The following SH3GL3 variants were observed in gnomAD, a reference collection of about 807,000 sequenced individuals.
SH3GL3 encodes the protein endophilin-A3.
In SH3GL3, 33 loss-of-function variants were observed where a neutral mutation model predicts 47.7. The observed-to-expected ratio is 0.69, with a 90% CI of 0.52 to 0.92. The LOEUF (loss-of-function observed/expected upper bound fraction) is 0.92. Ranked by LOEUF, SH3GL3 falls within the 40% of genes least tolerant of loss-of-function variation. SH3GL3 has a pLI of 0.00. For missense variants in SH3GL3, 363 were observed against 417.8 expected, an observed-to-expected ratio of 0.87 and a Z score of 1.14; for synonymous variants, 155 against 148.8, an observed-to-expected ratio of 1.04 and a Z score of -0.30.
intron 1 of SH3GL3, among the ~76,000 whole-genome samples, chr15:83,531,361 C>A (rs1490879203): frequency 6.6e-6 from 1 of 152,130 alleles, no homozygotes; most frequent in East Asian, 1.9e-4. Context: ...TCTGAGGAGT[C>A]CTAATGACCT....
At chr15:83,467,632 A>G (rs1427106805) in intron 1 of SH3GL3, among the ~76,000 whole-genome samples, 1 of 152,226 alleles carries the variant, frequency 6.6e-6, no homozygotes, top group African/African-American at 2.4e-5. Context: ...ATTGATGAAC[A>G]TTGATATGTT....
chr15:83,555,618 T>C (rs140743516), intron 1 of SH3GL3, among the ~76,000 whole-genome samples: 1 of 152,334 alleles, frequency 6.6e-6, no homozygotes, highest in African/African-American at 2.4e-5. Context: ...TGATTCTTTG[T>C]TCTTCAGTCT....
At chr15:83,607,840 AAATAATAATAATAATAATAATAAT>A (rs60113695) in intron 8 of SH3GL3, among the ~76,000 whole-genome samples, 1 of 142,940 alleles carries the variant, frequency 7.0e-6, no homozygotes, top group Non-Finnish European at 1.5e-5. Flanking sequence ...TCAGAGTGGC[AAATAATAATAATAATAATAATAAT>A]AATAATAATA....
At chr15:83,485,667 A>ATT (rs60951748) in intron 1 of SH3GL3, among the ~76,000 whole-genome samples, 17 of 148,764 alleles carry the variant, frequency 1.1e-4, no homozygotes, top group South Asian at 4.2e-4. Flanking sequence ...TTTTGTTGGC[A>ATT]TTTTTTTTTT....
intron 1 of SH3GL3, among the ~76,000 whole-genome samples, chr15:83,512,905 T>A (rs1046285498): frequency 6.6e-6 from 1 of 152,204 alleles, no homozygotes; most frequent in Non-Finnish European, 1.5e-5. Flanking sequence ...TCCCACATTT[T>A]AAAAAGGTTA....
At chr15:83,564,196 A>G (rs1405779850) in intron 2 of SH3GL3, among the ~76,000 whole-genome samples, 1 of 152,136 alleles carries the variant, frequency 6.6e-6, no homozygotes, top group African/African-American at 2.4e-5. Flanking sequence ...AATCATGTAT[A>G]TAGTATGAAG....
intron 1 of SH3GL3, among the ~76,000 whole-genome samples, chr15:83,463,295 C>T (rs2040396614): frequency 6.6e-6 from 1 of 152,160 alleles, no homozygotes; most frequent in East Asian, 1.9e-4. Flanking sequence ...AGAACCCTTG[C>T]CTAGTAATGG....
intron 1 of SH3GL3, among the ~76,000 whole-genome samples, chr15:83,515,516 C>T (rs2151638870): frequency 6.6e-6 from 1 of 151,984 alleles, no homozygotes; most frequent in African/African-American, 2.4e-5. Context: ...TAAAGGGAGC[C>T]CATGCAGGTG....
In SH3GL3 at chr15:83,450,804, AT is replaced by A. The variant is rs34099509; in HGVS notation, c.45+3237del. Among the ~76,000 whole-genome samples the A allele has an allele frequency of 5.9e-3, 346 of 58,820 alleles. 5 individuals carry two copies. Among genetic ancestry groups the A allele is most frequent in the African/African-American group, 0.026 (328 of 12,532 alleles). The allele number at this position is 58,820 out of a possible 152,430, so 38.6% of individuals were successfully genotyped here. A position where few individuals can be genotyped will look rare whatever the true frequency, so the allele number is the denominator to read the frequency against. On this transcript the variant is annotated intron_variant, in intron 1 of 8. Coordinates refer to ENST00000427482, the MANE Select transcript of SH3GL3 (RefSeq NM_003027.5). Reference sequence around the variant, plus strand: ...TTATAGATTTTCTTTTTTTTTTTTAATTTTTTTTTTTCTATTATACTCTAAG... The same window carrying A: ...TTATAGATTTTCTTTTTTTTTTTTAATTTTTTTTTTCTATTATACTCTAAG...
At chr15:83,479,281 G>T (rs1389088542) in intron 1 of SH3GL3, among the ~76,000 whole-genome samples, 1 of 152,064 alleles carries the variant, frequency 6.6e-6, no homozygotes, top group African/African-American at 2.4e-5. Flanking sequence ...TTTCTTGGTT[G>T]GCACTCCACT....
In SH3GL3 at chr15:83,495,730, C is replaced by T. The variant is rs117624114; in HGVS notation, c.45+48152C>T. On this transcript the variant is annotated intron_variant, in intron 1 of 8. Transcript: ENST00000427482. ...CCAGCCTGGGTGACAGACTGAGACT[C>T]GGTCTCAAAAGAAAAAAAAATGTTG... is the stretch of plus-strand genomic sequence containing the variant. 1.4e-3 allele frequency among the ~76,000 whole-genome samples: 208 copies of T among 151,828 alleles called. 6 individuals carry two copies. In the East Asian group the frequency reaches 0.035, roughly 25 times the overall value.
downstream of SH3GL3, among the ~76,000 whole-genome samples, chr15:83,620,578 G>A (rs940079235): frequency 2.0e-5 from 3 of 152,162 alleles, no homozygotes; most frequent in Non-Finnish European, 4.4e-5. Context: ...TTCTCTGAAC[G>A]GTAGATCTCA....
intron 1 of SH3GL3, among the ~76,000 whole-genome samples, chr15:83,550,462 C>T (rs2044605690): frequency 6.6e-6 from 1 of 152,122 alleles, no homozygotes; most frequent in Non-Finnish European, 1.5e-5. Flanking sequence ...GTGATTTCAA[C>T]TCACCGCACC....
chr15:83,624,168 C>A, the SH3GL3 span, among the ~76,000 whole-genome samples: 3 of 152,162 alleles, frequency 2.0e-5, no homozygotes, highest in Non-Finnish European at 2.9e-5. Context: ...GGTATCTAAT[C>A]CCTCAGCTTT....
intron 1 of SH3GL3, among the ~76,000 whole-genome samples, chr15:83,524,977 A>C (rs764666014): frequency 6.6e-6 from 1 of 152,184 alleles, no homozygotes; most frequent in Non-Finnish European, 1.5e-5. Flanking sequence ...ATGGGAGTGC[A>C]TGTATCTCTT....
At position 83,500,690 on chromosome 15, in the gene SH3GL3, C is replaced by T. The variant is rs536836379; in HGVS notation, c.45+53112C>T. ...GCAGATCAATTTCCCTTCCTTTCTC[C>T]CTTCCAGGGACTACTCTGAGGTGCA... On this transcript the variant is annotated intron_variant, in intron 1 of 8. Coordinates refer to ENST00000427482, the MANE Select transcript of SH3GL3 (RefSeq NM_003027.5). Among the ~76,000 whole-genome samples, 4 of 152,294 alleles carry T rather than the reference C, an allele frequency of 2.6e-5. No homozygotes were observed. The South Asian group carries it at 8.3e-4, about 32-fold the overall frequency.
At chr15:83,552,909 T>C (rs1380396309) in intron 1 of SH3GL3, among the ~76,000 whole-genome samples, 2 of 152,146 alleles carry the variant, frequency 1.3e-5, no homozygotes, top group Non-Finnish European at 2.9e-5. Flanking sequence ...TATAAAAATT[T>C]TGGTGGATTG....
chr15:83,606,558 C>T (rs894256139), intron 8 of SH3GL3, among the ~76,000 whole-genome samples: 7 of 152,208 alleles, frequency 4.6e-5, no homozygotes, highest in African/African-American at 1.7e-4. Flanking sequence ...TTTCCTTCCT[C>T]CTCTTTTCTT....
At chr15:83,554,829 G>A (rs1243321680) in intron 1 of SH3GL3, among the ~76,000 whole-genome samples, 3 of 152,188 alleles carry the variant, frequency 2.0e-5, no homozygotes, top group African/African-American at 7.2e-5. Flanking sequence ...GTTTATTTTT[G>A]AGGTTTTGCT....
Sources: gnomAD v4.1 joint callset for allele counts (sites outside exome capture counted in the v4.1 genomes callset) on GRCh38, gnomAD v4.1.1 for gene constraint, MANE v1.5 for transcripts, NCBI Gene and HGNC (gene_info 2026-07-23, HGNC 2026-07-21) for gene names.